TEF: variants seen among roughly 807,000 people sequenced by gnomAD.
The protein encoded by TEF is TEF transcription factor, PAR bZIP family member, also known as thyrotroph embryonic factor.
Under a neutral mutation model 20.8 loss-of-function variants are expected in TEF, and 3 were observed. The observed-to-expected ratio is 0.14, with a 90% CI of 0.07 to 0.37. TEF has a LOEUF of 0.37. TEF is among the 10% of genes least tolerant of loss of function. The pLI is 1.00. For synonymous variants in TEF, 180 were observed against 171.1 expected (o/e 1.05, Z -0.41); for missense variants, 296 against 397.9 (o/e 0.74, Z 2.18).
intron 1 of TEF, among the ~76,000 whole-genome samples, chr22:41,370,998 A>T (rs894151197): frequency 2.6e-5 from 4 of 151,882 alleles, no homozygotes; most frequent in Non-Finnish European, 5.9e-5. Context: ...CCAAGCCCTG[A>T]CTCAGTTTCC....
At chr22:41,392,507 C>G (rs2037179066) in intron 2 of TEF, among the ~76,000 whole-genome samples, 1 of 151,122 alleles carries the variant, frequency 6.6e-6, no homozygotes. Flanking sequence ...AACCCCGTCT[C>G]TACTAAAAAT....
In TEF at chr22:41,386,280, A is replaced by G. The variant is rs529571194; in HGVS notation, c.158-1071A>G. Among the ~76,000 whole-genome samples the G allele has an allele frequency of 3.0e-4, 46 of 152,246 alleles. 1 individual carries two copies. The South Asian group carries it at 9.1e-3, about 30-fold the overall frequency. ...ATGTTGAAACCCCAGTCTCTACTAA[A>G]TACAAAAAAAATTAATCAGGCGTGG... On this transcript the variant is annotated intron_variant, in intron 1 of 3. Coordinates refer to ENST00000266304, the MANE Select transcript of TEF (RefSeq NM_003216.4).
chr22:41,398,602 G>A lies in TEF; in HGVS notation c.*2642G>A, dbSNP rs1044429726. 2.0e-5 allele frequency: 3 copies of A among 153,388 alleles called. No individual in the cohort carries two copies. The highest frequency in any genetic ancestry group is 4.4e-5 in the Non-Finnish European group (3 of 68,044). The allele number at this position is 153,388 out of a possible 1,614,324, so 9.5% of individuals were successfully genotyped here. On this transcript the variant is annotated 3_prime_UTR_variant, in exon 4 of 4. Transcript: ENST00000266304. ...ACGTGTGCATTTAGAGAGAGGGAGA[G>A]TTTTCAAGGTTTATGGCAACTTTGT...
chr22:41,380,399 G>A (rs867211583), upstream of TEF, among the ~76,000 whole-genome samples: 1 of 152,038 alleles, frequency 6.6e-6, no homozygotes, highest in Admixed American at 6.5e-5. Context: ...CAGGTGATCC[G>A]CCACCTCTGC....
At chr22:41,381,664 C>G (rs2037024977), upstream of TEF, among the ~76,000 whole-genome samples, 1 of 152,128 alleles carries the variant, frequency 6.6e-6, no homozygotes, top group African/African-American at 2.4e-5. Flanking sequence ...CGAGGAAGGC[C>G]CACCACAAAG....
At chr22:41,383,153 G>A (rs1213598761) in intron 1 of TEF, among the ~76,000 whole-genome samples, 1 of 152,082 alleles carries the variant, frequency 6.6e-6, no homozygotes, top group African/African-American at 2.4e-5. Flanking sequence ...GCCTTCGAGA[G>A]TTGTCTGGCC....
chr22:41,369,773 G>A (rs1307859177), intron 1 of TEF: 1 of 328,538 alleles, frequency 3.0e-6, no homozygotes, highest in African/African-American at 2.2e-5. Context: ...TCTGACTCTG[G>A]GTGTGAATTG....
chr22:41,387,023 G>A (rs766630510), intron 1 of TEF, among the ~76,000 whole-genome samples: 102 of 152,204 alleles, frequency 6.7e-4, no homozygotes, highest in Non-Finnish European at 1.3e-3. Flanking sequence ...CAGCCTGGGC[G>A]ACGAGCAAAA....
At chr22:41,376,237 T>G (rs1365407002) in intron 1 of TEF, among the ~76,000 whole-genome samples, 4 of 152,242 alleles carry the variant, frequency 2.6e-5, no homozygotes, top group Admixed American at 6.5e-5. Flanking sequence ...GTTCTGTTTT[T>G]GTTTTTTTGT....
Position 41,387,394 on chromosome 22 carries a change from A to G in TEF, c.201A>G (p.Ala67=). ...GKEKLEEDEA[A]AASTMAVSAS... ...AAAAGCTGGAGGAGGACGAGGCCGC[A>G]GCCGCCAGCACCATGGCTGTCTCAG... Residue 67 remains alanine, a synonymous_variant, in exon 2 of 4, where the codon GCA becomes GCG. Transcript: ENST00000266304. 1 of 1,614,236 alleles carries G rather than the reference A, an allele frequency of 6.2e-7. No homozygotes were observed.
chr22:41,386,893 A>T (rs1426704892), intron 1 of TEF, among the ~76,000 whole-genome samples: 2 of 151,832 alleles, frequency 1.3e-5, no homozygotes, highest in African/African-American at 2.4e-5. Context: ...AAAATACAAA[A>T]AATAGCTGGG....
upstream of TEF, among the ~76,000 whole-genome samples, chr22:41,381,337 C>T (rs1316030354): frequency 6.7e-6 from 1 of 149,294 alleles, no homozygotes; most frequent in East Asian, 2.0e-4. Flanking sequence ...GCACGTGCGG[C>T]GCCTCGTGCA....
At chr22:41,385,002 G>A (rs886696614) in intron 1 of TEF, among the ~76,000 whole-genome samples, 5 of 152,048 alleles carry the variant, frequency 3.3e-5, no homozygotes, top group East Asian at 1.9e-4. Flanking sequence ...TGATTTGCCC[G>A]CCTCGGACTC....
intron 1 of TEF, chr22:41,369,351 T>C (rs1303463967): frequency 1.8e-5 from 13 of 734,186 alleles, no homozygotes; most frequent in Non-Finnish European, 2.2e-5. Flanking sequence ...TGGCAAGCTG[T>C]GGCCGAGAAT....
intron 2 of TEF, among the ~76,000 whole-genome samples, chr22:41,389,250 A>T (rs564949873): frequency 1.3e-5 from 2 of 152,036 alleles, no homozygotes; most frequent in African/African-American, 4.8e-5. Context: ...AAGTACAAAA[A>T]ATTAGCCGGG....
chr22:41,380,344 C>T (rs558431962), upstream of TEF, among the ~76,000 whole-genome samples: 1 of 152,248 alleles, frequency 6.6e-6, no homozygotes, highest in Middle Eastern at 3.4e-3. Flanking sequence ...ACAGTAGTGT[C>T]GGAGTTTCGC....
At chr22:41,382,225 G>A in intron 1 of TEF, 24 bp downstream of exon 1, 1 of 1,227,348 alleles carries the variant, frequency 8.1e-7, no homozygotes, top group Non-Finnish European at 1.0e-6. Context: ...GGTGGTCCGC[G>A]CGGGCTGGGG....
chr22:41,385,819 G>A (rs2037091196), intron 1 of TEF, among the ~76,000 whole-genome samples: 1 of 151,842 alleles, frequency 6.6e-6, no homozygotes, highest in Admixed American at 6.6e-5. Context: ...TGAGTAGCTG[G>A]GATTACAGGC....
chr22:41,389,612 C>T (rs1156674857), intron 2 of TEF, among the ~76,000 whole-genome samples: 1 of 151,944 alleles, frequency 6.6e-6, no homozygotes, highest in Admixed American at 6.6e-5. Flanking sequence ...AGCAAGACTC[C>T]ATCTCAAAAT....
Sources: gnomAD v4.1 joint callset for allele counts (sites outside exome capture counted in the v4.1 genomes callset) on GRCh38, gnomAD v4.1.1 for gene constraint, MANE v1.5 for transcripts, NCBI Gene and HGNC (gene_info 2026-07-23, HGNC 2026-07-21) for gene names.